Variants in PPA2 observed in about 807,000 individuals in gnomAD.
The protein encoded by PPA2 is inorganic pyrophosphatase 2, mitochondrial.
Under a neutral mutation model 49.5 loss-of-function variants are expected in PPA2, and 48 were observed. The observed-to-expected ratio is 0.97, with a 90% CI of 0.77 to 1.23. The LOEUF is 1.23. Among genes scored for constraint, PPA2 ranks in the 50% most tolerant of loss-of-function variants. The pLI is 0.00. For synonymous variants in PPA2, 131 were observed against 139.9 expected, an observed-to-expected ratio of 0.94 and a Z score of 0.45; for missense variants, 429 against 410.1, an observed-to-expected ratio of 1.05 and a Z score of -0.40.
chr4:105,384,235 T>G (rs1034085027), intron 10 of PPA2, among the ~76,000 whole-genome samples: 1 of 152,230 alleles, frequency 6.6e-6, no homozygotes, highest in Non-Finnish European at 1.5e-5. Context: ...CTGGTTTCTC[T>G]AATTTGTGAA....
intron 10 of PPA2, among the ~76,000 whole-genome samples, chr4:105,375,934 A>C (rs1252888773): frequency 6.6e-6 from 1 of 152,150 alleles, no homozygotes; most frequent in African/African-American, 2.4e-5. Flanking sequence ...TTTCTTATTA[A>C]AATGCAGAAC....
chr4:105,456,032 G>A (rs578080607), intron 2 of PPA2: 12 of 324,770 alleles, frequency 3.7e-5, no homozygotes, highest in Non-Finnish European at 6.1e-5. Context: ...GAGAGATCTC[G>A]AAACACCCCA....
chr4:105,391,158 G>A (rs968147768), intron 9 of PPA2, among the ~76,000 whole-genome samples: 2 of 151,962 alleles, frequency 1.3e-5, no homozygotes, highest in African/African-American at 2.4e-5. Context: ...ACACAGGGAA[G>A]GGAACAACAC....
intron 3 of PPA2, 50 bp from the exon 4 acceptor site, chr4:105,449,453 A>T: frequency 8.1e-7 from 1 of 1,229,046 alleles, no homozygotes; most frequent in Non-Finnish European, 1.2e-6. Flanking sequence ...TTTACCTTTT[A>T]TTTTTTCCGT....
intron 1 of PPA2, among the ~76,000 whole-genome samples, chr4:105,460,020 T>C (rs1290040516): frequency 6.6e-6 from 1 of 152,126 alleles, no homozygotes; most frequent in Non-Finnish European, 1.5e-5. Context: ...CTCAGAAGTG[T>C]CCACAAAAAA....
rs74504546 is a variant in PPA2 at position 105,469,330 on chromosome 4, T to C, written c.157+4564A>G. Among the ~76,000 whole-genome samples the C allele has an allele frequency of 1.5e-3, 231 of 152,354 alleles. 1 individual carries two copies. Among genetic ancestry groups the C allele is most frequent in the African/African-American group, 5.3e-3 (220 of 41,584 alleles). On this transcript the variant is annotated intron_variant, in intron 1 of 11. Coordinates refer to ENST00000341695, the MANE Select transcript of PPA2 (RefSeq NM_176869.3). ...CCTTCAACTGGTCTGAAATCAGATTTTATTCTAGCATTTTCTAAGTTATCT... is the reference window on the plus strand; with the variant it reads ...CCTTCAACTGGTCTGAAATCAGATTCTATTCTAGCATTTTCTAAGTTATCT...
At chr4:105,444,840 G>C (rs1315328810) in intron 5 of PPA2, among the ~76,000 whole-genome samples, 2 of 152,058 alleles carry the variant, frequency 1.3e-5, no homozygotes, top group Non-Finnish European at 2.9e-5. Flanking sequence ...AAAAGTACCA[G>C]TCTTAATTAT....
chr4:105,396,543 T>C (rs1245368583), intron 8 of PPA2, among the ~76,000 whole-genome samples: 1 of 152,180 alleles, frequency 6.6e-6, no homozygotes. Context: ...AATTTCTTCA[T>C]CTATGAAGTA....
intron 6 of PPA2, among the ~76,000 whole-genome samples, chr4:105,430,373 T>C (rs1319345016): frequency 6.6e-6 from 1 of 152,186 alleles, no homozygotes; most frequent in Non-Finnish European, 1.5e-5. Context: ...ATATACACAA[T>C]TATATTAGAC....
chr4:105,420,809 G>A (rs1457353451), intron 7 of PPA2, among the ~76,000 whole-genome samples: 2 of 152,130 alleles, frequency 1.3e-5, no homozygotes, highest in Non-Finnish European at 2.9e-5. Context: ...AAACCCGCAG[G>A]TGATAGCTAT....
At chr4:105,401,156 CAT>C (rs1199491849) in intron 7 of PPA2, among the ~76,000 whole-genome samples, 3 of 152,028 alleles carry the variant, frequency 2.0e-5, no homozygotes, top group Non-Finnish European at 4.4e-5. Context: ...GAAAAGCATA[CAT>C]AGATATATAT....
intron 5 of PPA2, 57 bp downstream of exon 5, chr4:105,446,326 T>C: frequency 1.3e-6 from 2 of 1,508,702 alleles, no homozygotes; most frequent in African/African-American, 1.4e-5. Flanking sequence ...TCACAGGATT[T>C]ATAAGGCAAT....
chr4:105,422,104 A>G (rs966498273), intron 7 of PPA2, among the ~76,000 whole-genome samples: 3 of 152,192 alleles, frequency 2.0e-5, no homozygotes, highest in African/African-American at 7.2e-5. Context: ...TTTAAGTACT[A>G]ACTAATGAGA....
At chr4:105,473,112 C>G (rs1251656360) in intron 1 of PPA2, among the ~76,000 whole-genome samples, 2 of 152,128 alleles carry the variant, frequency 1.3e-5, no homozygotes, top group African/African-American at 4.8e-5. Flanking sequence ...GGCAAGCGAC[C>G]GACATCGCTA....
At chr4:105,451,329 T>A (rs1722668854) in intron 3 of PPA2, among the ~76,000 whole-genome samples, 1 of 152,194 alleles carries the variant, frequency 6.6e-6, no homozygotes, top group African/African-American at 2.4e-5. Flanking sequence ...AAAGTAATGA[T>A]GATTTATATT....
intron 9 of PPA2, among the ~76,000 whole-genome samples, chr4:105,395,714 T>G (rs1734112228): frequency 6.6e-6 from 1 of 152,130 alleles, no homozygotes; most frequent in Non-Finnish European, 1.5e-5. Flanking sequence ...AGCTTAAGGA[T>G]TACAGAATCT....
At chr4:105,464,472 T>C (rs1405063888) in intron 1 of PPA2, among the ~76,000 whole-genome samples, 1 of 152,202 alleles carries the variant, frequency 6.6e-6, no homozygotes, top group Non-Finnish European at 1.5e-5. Context: ...TGAAATGAGT[T>C]AAGACTTTGG....
chr4:105,398,751 T>G (rs1442034512), intron 8 of PPA2: 1 of 224,966 alleles, frequency 4.4e-6, no homozygotes, highest in East Asian at 1.1e-4. Flanking sequence ...TTTTTCTATG[T>G]ACACAATTTG....
chr4:105,406,975 A>T (rs1280518881), intron 7 of PPA2: 1 of 152,162 alleles, frequency 6.6e-6, no homozygotes, highest in African/African-American at 2.4e-5. Flanking sequence ...CAAAGGCAAA[A>T]AAAGATTATT....
Sources: allele counts gnomAD v4.1 joint callset (sites outside exome capture counted in the v4.1 genomes callset), GRCh38; gene constraint gnomAD v4.1.1; transcripts MANE v1.5; gene names NCBI Gene and HGNC (gene_info 2026-07-23, HGNC 2026-07-21).